The following MTARC1 variants were observed in gnomAD, a reference collection of about 807,000 sequenced individuals.
MTARC1 encodes mitochondrial amidoxime reducing component 1, also known as mitochondrial amidoxime-reducing component 1.
Under a neutral mutation model 33.6 loss-of-function variants are expected in MTARC1, and 24 were observed. That is an observed-to-expected ratio of 0.72 (90% CI 0.52 to 1.01). MTARC1 has a LOEUF of 1.01. Ranked by LOEUF, MTARC1 falls within the 50% of genes least tolerant of loss-of-function variation. The pLI is 0.00. For synonymous variants in MTARC1, 187 were observed against 189.5 expected (o/e 0.99, Z 0.11); for missense variants, 417 against 445.7 (o/e 0.94, Z 0.58).
intron 4 of MTARC1, chr1:220,799,101 G>T (rs997164709): frequency 1.9e-5 from 19 of 985,278 alleles, no homozygotes; most frequent in Middle Eastern, 5.2e-4. Flanking sequence ...TTAAGGGTCT[G>T]TTGAAGGGTC....
At chr1:220,799,054 G>C in intron 4 of MTARC1, 1 of 985,414 alleles carries the variant, frequency 1.0e-6, no homozygotes, top group Non-Finnish European at 1.2e-6. Flanking sequence ...TACCTTGCCT[G>C]AACAATGAGA....
intron 4 of MTARC1, among the ~76,000 whole-genome samples, chr1:220,801,278 G>C (rs1430319589): frequency 6.6e-6 from 1 of 151,884 alleles, no homozygotes; most frequent in Non-Finnish European, 1.5e-5. Context: ...TCCCTCACAG[G>C]CCTCATGGCT....
In MTARC1 at chr1:220,788,019, G is replaced by A. The variant is rs894808865; in HGVS notation, c.275+800G>A. ...CGAGACTCCGAATCAAAAAAAGAAA[G>A]AAAGAAAGAAAGAGTTGTGGGGGCA... On this transcript the variant is annotated intron_variant, in intron 1 of 6. Transcript: ENST00000366910. 2.5e-3 allele frequency among the ~76,000 whole-genome samples: 378 copies of A among 151,012 alleles called. 1 individual carries two copies. The highest frequency in any genetic ancestry group is 0.01 in the Middle Eastern group (3 of 294).
rs113628290 is a variant in MTARC1 at position 220,791,276 on chromosome 1, G to C, written c.276-215G>C. The C allele has an allele frequency of 1.2e-3, 563 of 466,714 alleles. 4 individuals are homozygous for C. Among genetic ancestry groups the C allele is most frequent in the African/African-American group, 9.8e-3 (509 of 52,138 alleles). 28.9% of individuals were successfully genotyped at this position (466,714 alleles called of 1,614,324 possible). On this transcript the variant is annotated intron_variant, in intron 1 of 6. Transcript: ENST00000366910. Reference sequence around the variant, plus strand: ...CAAACTGTTCTCCAGATATATGTTGGATGCTTGAGTGGTTATGAAATCCTT... The same window carrying C: ...CAAACTGTTCTCCAGATATATGTTGCATGCTTGAGTGGTTATGAAATCCTT...
intron 2 of MTARC1, among the ~76,000 whole-genome samples, chr1:220,792,652 G>GAAAAAAAAAA (rs60569026): frequency 8.5e-6 from 1 of 117,336 alleles, no homozygotes; most frequent in Non-Finnish European, 1.9e-5. Flanking sequence ...GAAATACCAA[G>GAAAAAAAAAA]AAAAAAAAAA....
intron 4 of MTARC1, 81 bp from the exon 5 acceptor site, chr1:220,804,971 G>T: frequency 1.4e-6 from 2 of 1,477,570 alleles, no homozygotes; most frequent in South Asian, 1.1e-5. Flanking sequence ...CGTTAGGTGC[G>T]AGGGCTCCTG....
chr1:220,787,170 G>T lies in MTARC1; in HGVS notation c.226G>T (p.Glu76Ter). 1 of 1,579,868 alleles carries T rather than the reference G, an allele frequency of 6.3e-7. No homozygotes were observed. Among genetic ancestry groups the T allele is most frequent in the Non-Finnish European group, 8.6e-7 (1 of 1,163,736 alleles). The stretch of plus-strand genomic sequence containing the variant: ...ATCCTGCAAGGGGGTGCCGGTGAGC[G>T]AGGCGGAGTGCACGGCCATGGGGCT... ...VKSCKGVPVSEAECTAMGLRS... is the reference protein window; with the variant it reads ...VKSCKGVPVS Residue 76 changes from glutamate (E) to a stop codon, truncating the protein, a stop_gained, in exon 1 of 7, where the codon GAG (glutamate) becomes TAG (stop). Transcript: ENST00000366910. LOFTEE classifies it high-confidence loss of function.
chr1:220,802,763 G>A (rs1054392993), intron 4 of MTARC1, among the ~76,000 whole-genome samples: 3 of 152,150 alleles, frequency 2.0e-5, no homozygotes, highest in South Asian at 2.1e-4. Flanking sequence ...CAGCCATGTC[G>A]GCTCCCCTTT....
rs1179893241 is a variant in MTARC1 at position 220,818,349 on chromosome 1, T to C, written c.*4931T>C. The C allele has an allele frequency of 6.6e-6, 1 of 152,234 alleles. No individual in the cohort carries two copies. The highest frequency in any genetic ancestry group is 1.5e-5 in the Non-Finnish European group (1 of 68,030). 9.4% of individuals were successfully genotyped at this position (152,234 alleles called of 1,614,324 possible). ...GCCTTAATTACATTATTATTCTTCCTGGACAGGCTGTAGGTTGTGTAAAGT... is the reference window on the plus strand; with the variant it reads ...GCCTTAATTACATTATTATTCTTCCCGGACAGGCTGTAGGTTGTGTAAAGT... On this transcript the variant is annotated 3_prime_UTR_variant, in exon 7 of 7. Coordinates refer to ENST00000366910, the MANE Select transcript of MTARC1 (RefSeq NM_022746.4).
rs768681413 is a variant in MTARC1, at chr1:220,801,890, C to T, written c.754-3162C>T. On this transcript the variant is annotated intron_variant, in intron 4 of 6. Transcript: ENST00000366910. The stretch of plus-strand genomic sequence containing the variant: ...TACCTTCTCAGCAACTGTGGCTTTT[C>T]GCTGCCTCCCTTCATCATCGGCACT... 8.9e-4 allele frequency among the ~76,000 whole-genome samples: 135 copies of T among 152,140 alleles called. 1 individual carries two copies. Among genetic ancestry groups the T allele is most frequent in the African/African-American group, 1.1e-3 (46 of 41,480 alleles).
rs1673175422 is a variant in MTARC1 at position 220,812,799 on chromosome 1, A to G, written c.888-493A>G. On this transcript the variant is annotated intron_variant, in intron 6 of 6. Transcript: ENST00000366910. ...GAGCGCAGTGGCACAATCTCCGCTC[A>G]CTGCAAGCTCCGCCTCCCAAGTTGA... Among the ~76,000 whole-genome samples the G allele has an allele frequency of 2.0e-5, 3 of 151,428 alleles. No homozygotes were observed. In the South Asian group the frequency reaches 6.2e-4, roughly 32 times the overall value.
chr1:220,800,782 C>T (rs536227281), intron 4 of MTARC1, among the ~76,000 whole-genome samples: 2 of 152,286 alleles, frequency 1.3e-5, no homozygotes, highest in South Asian at 2.1e-4. Context: ...CATCTCAGCA[C>T]ACAACAGCTC....
intron 2 of MTARC1, among the ~76,000 whole-genome samples, chr1:220,795,108 T>C (rs545701937): frequency 6.6e-6 from 1 of 152,338 alleles, no homozygotes; most frequent in South Asian, 2.1e-4. Flanking sequence ...GATGCTTTTG[T>C]TGGATTAAAT....
At chr1:220,811,306 G>A (rs1673128085) in intron 6 of MTARC1, among the ~76,000 whole-genome samples, 1 of 152,252 alleles carries the variant, frequency 6.6e-6, no homozygotes, top group South Asian at 2.1e-4. Context: ...GCCTGCATCA[G>A]CAGCTTGTTA....
intron 6 of MTARC1, among the ~76,000 whole-genome samples, chr1:220,806,632 A>G (rs72472346): frequency 1.3e-5 from 2 of 152,106 alleles, no homozygotes; most frequent in East Asian, 1.9e-4. Context: ...TGACAATTCT[A>G]CTGTCCCAGA....
Position 220,797,885 on chromosome 1 carries a change from A to T in MTARC1, c.624A>T (p.Ser208=), listed in dbSNP as rs781582425. 3 of 1,614,232 alleles carry T rather than the reference A, an allele frequency of 1.9e-6. No individual in the cohort carries two copies. The East Asian group carries it at 6.7e-5, about 36-fold the overall frequency. The change falls in exon 4 of 7, where the codon TCA becomes TCT. Residue 208 remains serine, a synonymous_variant. Transcript: ENST00000366910. The part of the protein sequence containing the change: ...LFRPKDQIAY[S]DTSPFLILSE... ...TATTTCCTTATCAGATTGCTTACTC[A>T]GACACCAGCCCATTCTTGATCCTTT...
At position 220,814,128 on chromosome 1, in the gene MTARC1, G is replaced by C. The variant is rs552397552; in HGVS notation, c.*710G>C. On this transcript the variant is annotated 3_prime_UTR_variant, in exon 7 of 7. Coordinates refer to ENST00000366910, the MANE Select transcript of MTARC1 (RefSeq NM_022746.4). Reference sequence around the variant, plus strand: ...GACGGAGTGCTCCTTCTCCAGTTCCGGGTGAAAAAGTTCTGAATTCTGTGG... The same window carrying C: ...GACGGAGTGCTCCTTCTCCAGTTCCCGGTGAAAAAGTTCTGAATTCTGTGG... The C allele has an allele frequency of 1.3e-5, 2 of 152,158 alleles. No homozygotes were observed. The highest frequency in any genetic ancestry group is 2.9e-5 in the Non-Finnish European group (2 of 68,040). The allele number at this position is 152,158 out of a possible 1,614,324, so 9.4% of individuals were successfully genotyped here.
chr1:220,806,849 G>T (rs1874112), intron 6 of MTARC1, among the ~76,000 whole-genome samples: 64,426 of 152,060 alleles, frequency 0.42, 13,840 homozygotes, highest in African/African-American at 0.51. Flanking sequence ...GAGAGACAGT[G>T]GTCAGCAGGG....
intron 6 of MTARC1, chr1:220,808,746 T>C (rs1359645523): frequency 6.6e-6 from 3 of 453,484 alleles, no homozygotes; most frequent in Non-Finnish European, 1.4e-5. Flanking sequence ...GGAAAAGAAA[T>C]ACAGAGGCAT....
Sources: gnomAD v4.1 joint callset for allele counts (sites outside exome capture counted in the v4.1 genomes callset) on GRCh38, gnomAD v4.1.1 for gene constraint, MANE v1.5 for transcripts, NCBI Gene and HGNC (gene_info 2026-07-23, HGNC 2026-07-21) for gene names.